The following MCPH1 variants were observed in gnomAD, a reference collection of about 807,000 sequenced individuals.
The protein encoded by MCPH1 is microcephalin 1.
In MCPH1, 104 loss-of-function variants were observed where a neutral mutation model predicts 84.5. The ratio of observed to expected loss-of-function variants is 1.23; its 90% CI spans 1.05 to 1.45. The LOEUF is 1.45. Among genes scored for constraint, MCPH1 ranks in the 40% most tolerant of loss-of-function variants. The probability of loss-of-function intolerance (pLI) is 0.00; values close to 1 mark genes in which losing one functional copy is unlikely to be tolerated. For synonymous variants in MCPH1, 514 were observed against 366.8 expected (o/e 1.40, Z -4.58); for missense variants, 1,498 against 1,005.7 (o/e 1.49, Z -6.62).
chr8:6,460,664 C>T (rs1731979390), intron 9 of MCPH1, among the ~76,000 whole-genome samples: 1 of 152,070 alleles, frequency 6.6e-6, no homozygotes, highest in South Asian at 2.1e-4. Context: ...TGTTTTCAAT[C>T]ATACGTTCCA....
At chr8:6,421,895 T>C (rs1800260028) in intron 3 of MCPH1, among the ~76,000 whole-genome samples, 1 of 152,224 alleles carries the variant, frequency 6.6e-6, no homozygotes, top group Admixed American at 6.5e-5. Flanking sequence ...CTTTCTGCCT[T>C]TAGTTCTTGG....
chr8:6,627,587 T>G (rs1040480821), intron 13 of MCPH1, among the ~76,000 whole-genome samples: 3 of 152,224 alleles, frequency 2.0e-5, no homozygotes, highest in African/African-American at 7.2e-5. Flanking sequence ...CTGAGATGTT[T>G]AGGCTTTTAA....
intron 12 of MCPH1, among the ~76,000 whole-genome samples, chr8:6,504,317 C>CAAA (rs35379672): frequency 0.052 from 4,427 of 85,724 alleles, 215 homozygotes; most frequent in African/African-American, 0.077. Flanking sequence ...GACTCCAGCT[C>CAAA]AAAAAAAAAA....
intron 8 of MCPH1, chr8:6,447,272 A>T (rs1279514135): frequency 1.0e-6 from 1 of 985,290 alleles, no homozygotes; most frequent in African/African-American, 1.7e-5. Context: ...AGAAGATGAA[A>T]CCATAAAGCC....
intron 11 of MCPH1, among the ~76,000 whole-genome samples, chr8:6,486,727 A>T (rs1809975439): frequency 6.6e-6 from 1 of 152,224 alleles, no homozygotes; most frequent in South Asian, 2.1e-4. Context: ...GGAAATAGAA[A>T]ACCATGCCAG....
intron 13 of MCPH1, among the ~76,000 whole-genome samples, chr8:6,627,829 C>G (rs1372829433): frequency 6.6e-6 from 1 of 152,064 alleles, no homozygotes; most frequent in Non-Finnish European, 1.5e-5. Context: ...GAGGTCAGTG[C>G]TGCAGTGAGC....
chr8:6,562,588 G>A (rs150799541), intron 12 of MCPH1: 8 of 138,212 alleles, frequency 5.8e-5, no homozygotes, highest in African/African-American at 3.4e-4. Context: ...TAAAACCTGA[G>A]CTGCTGCCAA....
intron 8 of MCPH1, among the ~76,000 whole-genome samples, chr8:6,448,340 A>C (rs1323891006): frequency 1.3e-5 from 2 of 152,198 alleles, no homozygotes; most frequent in African/African-American, 4.8e-5. Flanking sequence ...AAATGCTTGC[A>C]GGAACAACGG....
intron 12 of MCPH1, among the ~76,000 whole-genome samples, chr8:6,536,476 G>A (rs1162924075): frequency 6.6e-6 from 1 of 152,104 alleles, no homozygotes; most frequent in Non-Finnish European, 1.5e-5. Flanking sequence ...AATGCCTTAA[G>A]AAAACAGACA....
chr8:6,605,120 T>C (rs1048322131), intron 12 of MCPH1, among the ~76,000 whole-genome samples: 1 of 152,160 alleles, frequency 6.6e-6, no homozygotes, highest in African/African-American at 2.4e-5. Context: ...CAGCAGGTGC[T>C]TGGGGACCCA....
intron 12 of MCPH1, among the ~76,000 whole-genome samples, chr8:6,524,606 G>A (rs542427771): frequency 1.3e-5 from 2 of 152,292 alleles, no homozygotes; most frequent in East Asian, 1.9e-4. Flanking sequence ...TACCATGTAC[G>A]AGGTGTTTTT....
chr8:6,557,712 C>CACAT (rs764079549), intron 12 of MCPH1, among the ~76,000 whole-genome samples: 6 of 150,550 alleles, frequency 4.0e-5, no homozygotes, highest in Admixed American at 3.3e-4. Context: ...CACACACACA[C>CACAT]ACATACATAT....
chr8:6,472,388 C>T (rs1363839565), intron 9 of MCPH1, among the ~76,000 whole-genome samples: 2 of 152,174 alleles, frequency 1.3e-5, no homozygotes, highest in East Asian at 1.9e-4. Context: ...TTATTTCAAG[C>T]ATCTGTTTTT....
intron 12 of MCPH1, among the ~76,000 whole-genome samples, chr8:6,524,802 A>G (rs776390921): frequency 1.3e-5 from 2 of 152,206 alleles, no homozygotes; most frequent in Non-Finnish European, 2.9e-5. Flanking sequence ...ATCACAGGGA[A>G]TACATATGAA....
At chr8:6,507,298 C>T (rs1038234867) in intron 12 of MCPH1, among the ~76,000 whole-genome samples, 1 of 152,146 alleles carries the variant, frequency 6.6e-6, no homozygotes, top group Non-Finnish European at 1.5e-5. Context: ...ATAGCTGTTA[C>T]CTTTGGTTTT....
chr8:6,642,577 T>A (rs1798004888), intron 13 of MCPH1: 2 of 293,348 alleles, frequency 6.8e-6, no homozygotes, highest in Non-Finnish European at 1.3e-5. Context: ...ACCACTGGTG[T>A]CATAATTAAA....
rs184785551 is a variant in MCPH1, at chr8:6,620,736, G to A, written c.2215-718G>A. On this transcript the variant is annotated intron_variant, in intron 12 of 13. Coordinates refer to ENST00000344683, the MANE Select transcript of MCPH1 (RefSeq NM_024596.5). ...TACCAACCCGTAGTTAGGAAAATGCGTGTTCAGAATAACTGGGCCTTCCCG... is the reference window on the plus strand; with the variant it reads ...TACCAACCCGTAGTTAGGAAAATGCATGTTCAGAATAACTGGGCCTTCCCG... Among the ~76,000 whole-genome samples the A allele has an allele frequency of 6.6e-4, 100 of 152,272 alleles. 1 individual carries two copies. The highest frequency in any genetic ancestry group is 2.2e-3 in the African/African-American group (93 of 41,548).
Position 6,406,627 on chromosome 8 carries a change from A to C in MCPH1, c.-41A>C, listed in dbSNP as rs769260580. ...TGCCCGCGCGCGCCGCCAGGCTCGC[A>C]AGCACCGCGTAGGCCAGCTGGCCGG... is the stretch of plus-strand genomic sequence containing the variant. On this transcript the variant is annotated 5_prime_UTR_variant, in exon 1 of 14. Coordinates refer to ENST00000344683, the MANE Select transcript of MCPH1 (RefSeq NM_024596.5). 8 of 1,607,974 alleles carry C rather than the reference A, an allele frequency of 5.0e-6. No homozygotes were observed. Among genetic ancestry groups the C allele is most frequent in the Middle Eastern group, 1.7e-4 (1 of 5,908 alleles).
intron 12 of MCPH1, among the ~76,000 whole-genome samples, chr8:6,592,837 T>C (rs1422860215): frequency 8.0e-6 from 1 of 124,758 alleles, no homozygotes; most frequent in Non-Finnish European, 1.8e-5. Context: ...TTTTTTTTTT[T>C]TGTATTTTTG....
Sources: allele counts gnomAD v4.1 joint callset (sites outside exome capture counted in the v4.1 genomes callset), GRCh38; gene constraint gnomAD v4.1.1; transcripts MANE v1.5; gene names NCBI Gene and HGNC (gene_info 2026-07-23, HGNC 2026-07-21).